Variants in ENOX1 observed in about 807,000 individuals in gnomAD.
ENOX1 encodes the protein ecto-NOX disulfide-thiol exchanger 1, also known as candidate growth-related and time keeping constitutive hydroquinone (NADH) oxidase.
ENOX1 carries 42 observed loss-of-function variants against 82.5 expected under a neutral mutation model. The ratio of observed to expected loss-of-function variants is 0.51; its 90% confidence interval spans 0.40 to 0.66. The LOEUF is 0.66. Ranked by LOEUF, ENOX1 falls within the 30% of genes least tolerant of loss-of-function variation. ENOX1 has a pLI of 0.00. For missense variants in ENOX1, 608 were observed against 811.6 expected, an observed-to-expected ratio of 0.75 and a Z score of 3.05; for synonymous variants, 271 against 282.2, an observed-to-expected ratio of 0.96 and a Z score of 0.40.
At position 43,356,111 on chromosome 13, in the gene ENOX1, A is replaced by G; in HGVS notation, c.631T>C (p.Ser211Pro). The change falls in exon 8 of 17, where the codon TCA (serine) becomes CCA (proline). Residue 211 changes from serine (S) to proline (P), a missense_variant. Coordinates refer to ENST00000690772, the MANE Select transcript of ENOX1 (RefSeq NM_001347969.2). ...RLGSSTDKKDSGRLHVDFAQA... is the reference protein window; with the variant it reads ...RLGSSTDKKDPGRLHVDFAQA... ...GCAAAGTCCACATGAAGGCGGCCTG[A>G]ATCCTTTTTGTCGGTGCTAGACCCT... 1 of 1,614,104 alleles carries G rather than the reference A, an allele frequency of 6.2e-7. No individual in the cohort carries two copies. Among genetic ancestry groups the G allele is most frequent in the Non-Finnish European group, 8.5e-7 (1 of 1,180,012 alleles).
At chr13:43,352,758 G>GTA (rs1013741132) in intron 8 of ENOX1, among the ~76,000 whole-genome samples, 1 of 152,144 alleles carries the variant, frequency 6.6e-6, no homozygotes, top group Admixed American at 6.5e-5. Context: ...ACAACACAGT[G>GTA]TTACCTCTGG....
chr13:43,477,168 C>CAT (rs3044072), intron 3 of ENOX1, among the ~76,000 whole-genome samples: 1,516 of 147,726 alleles, frequency 0.01, 18 homozygotes, highest in African/African-American at 0.035. Context: ...TATACACATA[C>CAT]ATATATATAT....
intron 1 of ENOX1, among the ~76,000 whole-genome samples, chr13:43,724,556 G>A (rs1018616213): frequency 4.6e-5 from 7 of 152,170 alleles, no homozygotes; most frequent in African/African-American, 1.4e-4. Context: ...ACTCATTTGC[G>A]TATCTTCCCT....
intron 1 of ENOX1, among the ~76,000 whole-genome samples, chr13:43,735,057 C>A (rs1235413762): frequency 6.6e-6 from 1 of 152,108 alleles, no homozygotes; most frequent in Non-Finnish European, 1.5e-5. Context: ...CTTCAGATAT[C>A]CCAACTAAAA....
chr13:43,531,911 CTG>C (rs1234081945), intron 2 of ENOX1, among the ~76,000 whole-genome samples: 1 of 139,800 alleles, frequency 7.2e-6, no homozygotes, highest in East Asian at 2.2e-4. Flanking sequence ...ACATCACACA[CTG>C]GGGCCTGTTG....
intron 9 of ENOX1, among the ~76,000 whole-genome samples, chr13:43,331,789 G>T (rs2048421731): frequency 6.6e-6 from 1 of 152,156 alleles, no homozygotes; most frequent in Admixed American, 6.5e-5. Context: ...AGGTCCAAGG[G>T]AGAAGCGGTA....
chr13:43,455,280 C>G (rs188130236), intron 3 of ENOX1, among the ~76,000 whole-genome samples: 49 of 152,252 alleles, frequency 3.2e-4, no homozygotes, highest in Admixed American at 2.7e-3. Context: ...ATTGCAGTCT[C>G]AGGCCACTAC....
At chr13:43,407,680 C>T (rs2053880875) in intron 5 of ENOX1, among the ~76,000 whole-genome samples, 1 of 152,098 alleles carries the variant, frequency 6.6e-6, no homozygotes, top group Non-Finnish European at 1.5e-5. Context: ...CTTGGGAAAA[C>T]CTACAAAGAA....
chr13:43,333,285 GT>G (rs1018545476), intron 9 of ENOX1, among the ~76,000 whole-genome samples: 1 of 152,190 alleles, frequency 6.6e-6, no homozygotes, highest in Non-Finnish European at 1.5e-5. Context: ...GTGTTTTTCA[GT>G]TTGTTTCTCT....
intron 2 of ENOX1, among the ~76,000 whole-genome samples, chr13:43,572,811 C>T (rs2080242880): frequency 6.6e-6 from 1 of 152,226 alleles, no homozygotes; most frequent in Non-Finnish European, 1.5e-5. Flanking sequence ...CTGTAATCCT[C>T]CTGGCATCTA....
intron 5 of ENOX1, among the ~76,000 whole-genome samples, chr13:43,385,540 A>T (rs2052354980): frequency 6.6e-6 from 1 of 152,240 alleles, no homozygotes; most frequent in African/African-American, 2.4e-5. Flanking sequence ...ACACATTAGC[A>T]AACATTTAAA....
chr13:43,448,612 CT>C (rs905212807), intron 3 of ENOX1, among the ~76,000 whole-genome samples: 7 of 152,002 alleles, frequency 4.6e-5, no homozygotes, highest in Non-Finnish European at 8.8e-5. Flanking sequence ...TAGTACAGTT[CT>C]TTTTTTTCTC....
intron 12 of ENOX1, among the ~76,000 whole-genome samples, chr13:43,296,276 A>AC (rs1193806445): frequency 6.6e-6 from 1 of 152,168 alleles, no homozygotes; most frequent in Non-Finnish European, 1.5e-5. Flanking sequence ...AGCAGAGTGG[A>AC]CCCCTAATCC....
At chr13:43,583,532 T>A (rs2080842585) in intron 2 of ENOX1, among the ~76,000 whole-genome samples, 1 of 152,202 alleles carries the variant, frequency 6.6e-6, no homozygotes, top group African/African-American at 2.4e-5. Flanking sequence ...TCCGCTAATT[T>A]TGTATCTATG....
intron 2 of ENOX1, among the ~76,000 whole-genome samples, chr13:43,518,998 C>G (rs1403768922): frequency 1.3e-5 from 2 of 152,110 alleles, no homozygotes; most frequent in African/African-American, 4.8e-5. Flanking sequence ...CAAAACTCTC[C>G]CCACCCATGT....
intron 2 of ENOX1, among the ~76,000 whole-genome samples, chr13:43,593,696 A>G: frequency 7.0e-6 from 1 of 142,354 alleles, no homozygotes; most frequent in African/African-American, 2.7e-5. Flanking sequence ...ACACACACAC[A>G]CACACACACA....
At chr13:43,314,836 C>T (rs1417012254) in intron 11 of ENOX1, among the ~76,000 whole-genome samples, 1 of 152,164 alleles carries the variant, frequency 6.6e-6, no homozygotes, top group Non-Finnish European at 1.5e-5. Flanking sequence ...GAAGGTCTGG[C>T]CCAGTTACCA....
At chr13:43,500,768 T>A (rs9525792) in intron 2 of ENOX1, among the ~76,000 whole-genome samples, 85,569 of 151,664 alleles carry the variant, frequency 0.56, 24,633 homozygotes, top group East Asian at 0.83. Context: ...GAATAACTAT[T>A]ACCAAAAATA....
intron 1 of ENOX1, among the ~76,000 whole-genome samples, chr13:43,704,416 T>C (rs1187129258): frequency 6.6e-6 from 1 of 152,060 alleles, no homozygotes; most frequent in African/African-American, 2.4e-5. Flanking sequence ...AAACAACTTT[T>C]TGAAGGCACT....
Sources: allele counts gnomAD v4.1 joint callset (sites outside exome capture counted in the v4.1 genomes callset), GRCh38; gene constraint gnomAD v4.1.1; transcripts MANE v1.5; gene names NCBI Gene and HGNC (gene_info 2026-07-23, HGNC 2026-07-21).